The following IL1RAPL2 variants were observed in gnomAD, a reference collection of about 807,000 sequenced individuals.
IL1RAPL2 encodes interleukin 1 receptor accessory protein like 2.
In IL1RAPL2, 3 loss-of-function variants were observed where a neutral mutation model predicts 44.1. That is an observed-to-expected ratio of 0.07 (90% confidence interval 0.03 to 0.18). The LOEUF is 0.18. Ranked by LOEUF, IL1RAPL2 falls within the 10% of genes least tolerant of loss-of-function variation. The pLI, the probability that IL1RAPL2 is intolerant of heterozygous loss-of-function variation, is 1.00. For synonymous variants in IL1RAPL2, 181 were observed against 178.8 expected (o/e 1.01, Z -0.10); for missense variants, 391 against 496.4 (o/e 0.79, Z 2.02).
intron 5 of IL1RAPL2, among the ~76,000 whole-genome samples, chrX:105,431,269 A>G (rs1345832199): frequency 1.8e-5 from 2 of 112,286 alleles, no homozygotes; most frequent in Non-Finnish European, 3.8e-5. Flanking sequence ...AATACGGTCT[A>G]ACTAGGTGGC....
At chrX:105,738,093 C>G (rs1313142789) in intron 7 of IL1RAPL2, among the ~76,000 whole-genome samples, 1 of 111,315 alleles carries the variant, frequency 9.0e-6, no homozygotes, top group African/African-American at 3.3e-5. Context: ...CCTTCCTGCT[C>G]TCAAATGGGA....
chrX:105,168,932 A>T (rs2033396835), intron 2 of IL1RAPL2, among the ~76,000 whole-genome samples: 1 of 111,548 alleles, frequency 9.0e-6, no homozygotes, highest in South Asian at 3.8e-4. Context: ...TTGACACATG[A>T]TATTAACCAT....
At chrX:105,431,242 G>A (rs2035845037) in intron 5 of IL1RAPL2, among the ~76,000 whole-genome samples, 1 of 112,163 alleles carries the variant, frequency 8.9e-6, no homozygotes, top group Non-Finnish European at 1.9e-5. Context: ...AGGATGAAAA[G>A]TTAAGTACAG....
In IL1RAPL2 at chrX:105,767,775, C is replaced by T; in HGVS notation, c.*114C>T. The T allele has an allele frequency of 1.8e-6, 1 of 553,295 alleles. No homozygotes were observed. Among genetic ancestry groups the T allele is most frequent in the Non-Finnish European group, 2.9e-6 (1 of 345,315 alleles). 45.6% of individuals were successfully genotyped at this position (553,295 alleles called of 1,213,427 possible). ...AAAAAAGTGTTTGAAGAAAAAGGTA[C>T]AAAAATGGCTTTTATACTTAAATAT... On this transcript the variant is annotated 3_prime_UTR_variant, in exon 11 of 11. Coordinates refer to ENST00000372582, the MANE Select transcript of IL1RAPL2 (RefSeq NM_017416.2).
At chrX:105,052,400 T>C (rs2031939401) in intron 2 of IL1RAPL2, among the ~76,000 whole-genome samples, 1 of 111,960 alleles carries the variant, frequency 8.9e-6, no homozygotes, top group African/African-American at 3.3e-5. Flanking sequence ...GGTGACCATG[T>C]GTTCAGCTAA....
intron 2 of IL1RAPL2, among the ~76,000 whole-genome samples, chrX:105,009,865 T>C (rs2031019090): frequency 9.0e-6 from 1 of 111,281 alleles, no homozygotes; most frequent in Non-Finnish European, 1.9e-5. Flanking sequence ...TCAGTATGTG[T>C]GACTTCTTAT....
Position 105,504,240 on chromosome X carries a change from C to A in IL1RAPL2, c.772+19853C>A, listed in dbSNP as rs772409342. Among the ~76,000 whole-genome samples the A allele has an allele frequency of 3.6e-5, 4 of 111,764 alleles. No individual in the cohort carries two copies. In the East Asian group the frequency reaches 8.5e-4, roughly 24 times the overall value. ...GACAAACACATAGGCAGGTTTCATG[C>A]AGATCTTAAAAGGGAAGTCCTATAT... On this transcript the variant is annotated intron_variant, in intron 6 of 10. Coordinates refer to ENST00000372582, the MANE Select transcript of IL1RAPL2 (RefSeq NM_017416.2).
At chrX:104,680,210 A>G (rs1296880592) in intron 2 of IL1RAPL2, among the ~76,000 whole-genome samples, 2 of 111,644 alleles carry the variant, frequency 1.8e-5, no homozygotes, top group Non-Finnish European at 3.8e-5. Context: ...TTAGGAAACT[A>G]AAATCTGTTC....
intron 2 of IL1RAPL2, among the ~76,000 whole-genome samples, chrX:105,003,549 CT>C (rs1053963624): frequency 2.7e-5 from 3 of 110,994 alleles, no homozygotes; most frequent in African/African-American, 9.8e-5. Context: ...AAGATAATTA[CT>C]TTTTTTATCC....
chrX:105,651,608 C>G (rs367944623), intron 6 of IL1RAPL2, among the ~76,000 whole-genome samples: 1 of 111,590 alleles, frequency 9.0e-6, no homozygotes, highest in East Asian at 2.8e-4. Context: ...TTACAATGTG[C>G]TATTTGCATT....
At chrX:105,220,263 C>G (rs781950967) in intron 3 of IL1RAPL2, 2 of 1,209,916 alleles carry the variant, frequency 1.7e-6, no homozygotes, top group Non-Finnish European at 2.2e-6. Context: ...TGTCTTCCAC[C>G]TTCTCCCAGG....
At chrX:105,050,264 C>G (rs866672155) in intron 2 of IL1RAPL2, among the ~76,000 whole-genome samples, 2 of 111,976 alleles carry the variant, frequency 1.8e-5, no homozygotes, top group Non-Finnish European at 3.8e-5. Context: ...AAAAAGTATG[C>G]TTTTTGGAAG....
chrX:104,767,994 A>C (rs757078603), intron 2 of IL1RAPL2, among the ~76,000 whole-genome samples: 5 of 112,375 alleles, frequency 4.4e-5, no homozygotes, highest in Non-Finnish European at 7.5e-5. Flanking sequence ...TTTATTTTTA[A>C]TTGACATAAA....
intron 2 of IL1RAPL2, among the ~76,000 whole-genome samples, chrX:105,101,028 T>C (rs2032665286): frequency 8.9e-6 from 1 of 112,476 alleles, no homozygotes; most frequent in African/African-American, 3.2e-5. Flanking sequence ...AGGGGAACAT[T>C]ACTTATATTT....
intron 2 of IL1RAPL2, among the ~76,000 whole-genome samples, chrX:104,905,264 T>C (rs909636946): frequency 8.9e-6 from 1 of 111,856 alleles, no homozygotes; most frequent in Non-Finnish European, 1.9e-5. Flanking sequence ...TCCTGTTCAC[T>C]CTAATGGTAG....
At chrX:104,855,912 C>T (rs1289160963) in intron 2 of IL1RAPL2, among the ~76,000 whole-genome samples, 2 of 109,352 alleles carry the variant, frequency 1.8e-5, no homozygotes, top group East Asian at 2.9e-4. Context: ...TCAAGTGATC[C>T]TCCTGCTTTG....
intron 2 of IL1RAPL2, among the ~76,000 whole-genome samples, chrX:105,184,122 C>T (rs2033561119): frequency 8.9e-6 from 1 of 111,855 alleles, no homozygotes; most frequent in Admixed American, 9.5e-5. Context: ...AGAGTCTCTC[C>T]AGGCTTCCAG....
chrX:104,860,706 T>A (rs747473021), intron 2 of IL1RAPL2, among the ~76,000 whole-genome samples: 1 of 110,717 alleles, frequency 9.0e-6, no homozygotes, highest in Non-Finnish European at 1.9e-5. Context: ...CTGAAAAAAA[T>A]TTTTGGAATT....
intron 2 of IL1RAPL2, among the ~76,000 whole-genome samples, chrX:104,848,524 TTAAA>T (rs1408973116): frequency 9.6e-6 from 1 of 103,883 alleles, no homozygotes; most frequent in African/African-American, 3.5e-5. Context: ...AAAACAAACT[TTAAA>T]TAACCTGAAT....
Sources: gnomAD v4.1 joint callset for allele counts (sites outside exome capture counted in the v4.1 genomes callset) on GRCh38, gnomAD v4.1.1 for gene constraint, MANE v1.5 for transcripts, NCBI Gene and HGNC (gene_info 2026-07-23, HGNC 2026-07-21) for gene names.